The following ZNF831 variants were observed in gnomAD, a reference collection of about 807,000 sequenced individuals.
ZNF831 encodes the protein zinc finger protein 831.
A neutral mutation model predicts 95.8 loss-of-function variants in ZNF831; 59 were observed. The ratio of observed to expected loss-of-function variants is 0.62; its 90% CI spans 0.50 to 0.77. The LOEUF (loss-of-function observed/expected upper bound fraction) is 0.77. ZNF831 is among the 30% of genes least tolerant of loss of function. The pLI is 0.00. For synonymous variants in ZNF831, 961 were observed against 925.5 expected, an observed-to-expected ratio of 1.04 and a Z score of -0.70; for missense variants, 2,205 against 2,164.0, an observed-to-expected ratio of 1.02 and a Z score of -0.38.
intron 3 of ZNF831, among the ~76,000 whole-genome samples, chr20:59,204,647 A>T (rs1984755185): frequency 6.6e-6 from 1 of 151,952 alleles, no homozygotes; most frequent in African/African-American, 2.4e-5. Context: ...TGCAAGAGCC[A>T]CTCCTTGGGT....
intron 1 of ZNF831, among the ~76,000 whole-genome samples, chr20:59,166,908 T>G (rs1981313060): frequency 6.6e-6 from 1 of 152,250 alleles, no homozygotes; most frequent in African/African-American, 2.4e-5. Context: ...CAAGCTTTTG[T>G]GTGAACGTAA....
rs1568758961 is a variant in ZNF831, at chr20:59,194,310, G to A, written c.3291G>A (p.Trp1097Ter). The A allele has an allele frequency of 6.2e-7, 1 of 1,613,886 alleles. No homozygotes were observed. The highest frequency in any genetic ancestry group is 8.5e-7 in the Non-Finnish European group (1 of 1,179,992). ...ARLSGDVLNP[W>*]VPNWELGEPP... is the part of the protein sequence containing the mutation. The stretch of plus-strand genomic sequence containing the variant: ...TCTCTGGGGATGTCCTGAATCCCTG[G>A]GTACCCAACTGGGAGCTGGGGGAGC... Residue 1097 changes from tryptophan (W) to a stop codon, truncating the protein, a stop_gained, in exon 2 of 6, where the codon TGG (tryptophan) becomes TGA (stop). Transcript: ENST00000371030. LOFTEE classifies it high-confidence loss of function.
Position 59,254,607 on chromosome 20 carries a change from A to C in ZNF831, c.4898A>C (p.Glu1633Ala), listed in dbSNP as rs1988087846. Residue 1633 changes from glutamate (E) to alanine (A), a missense_variant, in exon 6 of 6, where the codon GAG (glutamate) becomes GCG (alanine). By Grantham distance (107) the Glu-to-Ala change is moderately radical. Coordinates refer to ENST00000371030, the MANE Select transcript of ZNF831 (RefSeq NM_178457.3). This position sits in a 1 kb window ranked among gnomAD's most constrained non-coding sequence, Gnocchi z 4.5. Reference sequence around the variant, plus strand: ...GATTCTGTGGTTCCTTCTAAGCCAGAGCAGCCCATAGAAATTCCTGAAGCC... The same window carrying C: ...GATTCTGTGGTTCCTTCTAAGCCAGCGCAGCCCATAGAAATTCCTGAAGCC... Reference protein sequence around the residue: ...RKDSVVPSKPEQPIEIPEAPS... With the variant: ...RKDSVVPSKPAQPIEIPEAPS... The C allele has an allele frequency of 6.2e-7, 1 of 1,614,060 alleles. No homozygotes were observed. The highest frequency in any genetic ancestry group is 8.5e-7 in the Non-Finnish European group (1 of 1,180,032).
At chr20:59,232,700 G>A (rs966097360) in intron 4 of ZNF831, among the ~76,000 whole-genome samples, 2 of 152,070 alleles carry the variant, frequency 1.3e-5, no homozygotes, top group Admixed American at 6.5e-5. Context: ...CATCTATTTT[G>A]TACCCCACAC....
chr20:59,141,336 A>T (rs1212557689), intron 1 of ZNF831, among the ~76,000 whole-genome samples: 1 of 152,136 alleles, frequency 6.6e-6, no homozygotes, highest in Non-Finnish European at 1.5e-5. Flanking sequence ...TAAAAGTTTT[A>T]TAGTTTTACA....
At chr20:59,229,354 G>A in intron 4 of ZNF831, among the ~76,000 whole-genome samples, 1 of 152,164 alleles carries the variant, frequency 6.6e-6, no homozygotes, top group Non-Finnish European at 1.5e-5. Flanking sequence ...ACCTAGATTG[G>A]GAACTGGCAT....
At chr20:59,253,821 C>T (rs1014513035) in intron 5 of ZNF831, 77 bp from the exon 6 acceptor site, 1 of 1,479,104 alleles carries the variant, frequency 6.8e-7, no homozygotes. Context: ...CATTGAGGAC[C>T]ACGTTTCTGA....
chr20:59,216,881 G>C (rs1414758198), intron 4 of ZNF831, among the ~76,000 whole-genome samples: 1 of 151,922 alleles, frequency 6.6e-6, no homozygotes, highest in Non-Finnish European at 1.5e-5. Context: ...CAAGAATTGG[G>C]GTAAATAGAG....
At chr20:59,216,602 T>C (rs1291060799) in intron 4 of ZNF831, among the ~76,000 whole-genome samples, 3 of 152,076 alleles carry the variant, frequency 2.0e-5, no homozygotes, top group South Asian at 2.1e-4. Flanking sequence ...ACACACATGA[T>C]AGAGAGATGG....
At chr20:59,130,953 C>T (rs905349028) in intron 1 of ZNF831, among the ~76,000 whole-genome samples, 3 of 152,136 alleles carry the variant, frequency 2.0e-5, no homozygotes, top group African/African-American at 7.2e-5. Context: ...ATCCTCTTAT[C>T]ACAGCTGGTT....
intron 4 of ZNF831, among the ~76,000 whole-genome samples, chr20:59,212,351 T>C (rs1054191010): frequency 2.0e-5 from 3 of 152,298 alleles, no homozygotes; most frequent in African/African-American, 4.8e-5. Flanking sequence ...CCGTGTAAGA[T>C]TGTACATCGA....
chr20:59,229,229 T>A (rs1005827540), intron 4 of ZNF831, among the ~76,000 whole-genome samples: 5 of 152,250 alleles, frequency 3.3e-5, no homozygotes. Context: ...TTAGGTTGAT[T>A]CCACATCTTG....
At position 59,194,702 on chromosome 20, in the gene ZNF831, A is replaced by G. The variant is rs768846405; in HGVS notation, c.3683A>G (p.Asn1228Ser). 7.5e-6 allele frequency: 12 copies of G among 1,605,672 alleles called. No homozygotes were observed. In the African/African-American group the frequency reaches 1.5e-4, roughly 20 times the overall value. The change falls in exon 2 of 6, where the codon AAT (asparagine) becomes AGT (serine). Residue 1228 changes from asparagine to serine, a missense_variant. Asn to Ser is a conservative substitution (Grantham distance 46, BLOSUM62 1). Coordinates refer to ENST00000371030, the MANE Select transcript of ZNF831 (RefSeq NM_178457.3). ...DEGPNGPPGS[N>S]GGWTWTSPGE... is the part of the protein sequence containing the mutation. ...GGTCCCAATGGCCCTCCTGGGAGCA[A>G]TGGAGGATGGACCTGGACAAGCCCT...
At chr20:59,189,366 G>A (rs73309024) in intron 1 of ZNF831, among the ~76,000 whole-genome samples, 4,200 of 152,178 alleles carry the variant, frequency 0.028, 217 homozygotes, top group African/African-American at 0.097. Flanking sequence ...GTAAGTTTAT[G>A]TAACGTATCT....
intron 2 of ZNF831, among the ~76,000 whole-genome samples, chr20:59,150,022 A>T (rs762832880): frequency 2.6e-5 from 4 of 152,314 alleles, no homozygotes; most frequent in Middle Eastern, 3.4e-3. Flanking sequence ...TCCTGAGAGG[A>T]GCCCTAGAAA....
chr20:59,166,269 C>G (rs1981254825), intron 1 of ZNF831, among the ~76,000 whole-genome samples: 3 of 152,038 alleles, frequency 2.0e-5, no homozygotes, highest in Non-Finnish European at 4.4e-5. Flanking sequence ...GTTCTAGATA[C>G]ACTATGGATG....
intron 1 of ZNF831, among the ~76,000 whole-genome samples, chr20:59,174,265 G>T (rs1447209057): frequency 6.6e-6 from 1 of 152,200 alleles, no homozygotes; most frequent in African/African-American, 2.4e-5. Context: ...GCTGCAGATG[G>T]ATTATCCCTG....
At chr20:59,241,407 CG>C (rs1568791625) in intron 4 of ZNF831, among the ~76,000 whole-genome samples, 1 of 151,774 alleles carries the variant, frequency 6.6e-6, no homozygotes, top group Non-Finnish European at 1.5e-5. Context: ...TTGCAGTTCC[CG>C]AAGTACTCTC....
chr20:59,221,798 ATCATTTTCAG>A (rs1293323392), intron 4 of ZNF831, among the ~76,000 whole-genome samples: 1 of 152,184 alleles, frequency 6.6e-6, no homozygotes, highest in Non-Finnish European at 1.5e-5. Flanking sequence ...GACATTAGCG[ATCATTTTCAG>A]TCATTTTCAG....
Sources: allele counts gnomAD v4.1 joint callset (sites outside exome capture counted in the v4.1 genomes callset), GRCh38; gene constraint gnomAD v4.1.1; non-coding constraint Gnocchi (gnomAD v3.1); transcripts MANE v1.5; gene names NCBI Gene and HGNC (gene_info 2026-07-23, HGNC 2026-07-21).